TRIM67: variants seen among roughly 807,000 people sequenced by gnomAD.
TRIM67 encodes the protein tripartite motif-containing protein 67.
A neutral mutation model predicts 71.0 loss-of-function variants in TRIM67; 39 were observed. The ratio of observed to expected loss-of-function variants is 0.55; its 90% CI spans 0.43 to 0.72. The LOEUF (loss-of-function observed/expected upper bound fraction) is 0.72, where lower values mean the gene tolerates loss of function less well. Among genes scored for constraint, TRIM67 ranks in the 30% least tolerant of loss-of-function variants. The pLI, the probability that TRIM67 is intolerant of heterozygous loss-of-function variation, is 0.00. For synonymous variants in TRIM67, 481 were observed against 473.9 expected, an observed-to-expected ratio of 1.01 and a Z score of -0.19; for missense variants, 973 against 1,079.2, an observed-to-expected ratio of 0.90 and a Z score of 1.38.
At chr1:231,208,492 A>C (rs577376745) in intron 7 of TRIM67, among the ~76,000 whole-genome samples, 21 of 151,900 alleles carry the variant, frequency 1.4e-4, no homozygotes, top group Non-Finnish European at 1.6e-4. Context: ...TTGTATTTTT[A>C]GTAGAGACGG....
At position 231,216,586 on chromosome 1, in the gene TRIM67, C is replaced by T. The variant is rs542908583; in HGVS notation, c.*1146C>T. 61 of 985,552 alleles carry T rather than the reference C, an allele frequency of 6.2e-5. No individual in the cohort carries two copies. In the African/African-American group the frequency reaches 1.0e-3, roughly 17 times the overall value. 61.1% of individuals were successfully genotyped at this position (985,552 alleles called of 1,614,324 possible). A position where few individuals can be genotyped will look rare whatever the true frequency, so the allele number is the denominator to read the frequency against. On this transcript the variant is annotated 3_prime_UTR_variant, in exon 10 of 10. Transcript: ENST00000366653. ...AAAGCATCATGAACACAAGTGGCCCCTGTGGCAGGCCGGGACGGCTCTGCC... is the reference window on the plus strand; with the variant it reads ...AAAGCATCATGAACACAAGTGGCCCTTGTGGCAGGCCGGGACGGCTCTGCC...
chr1:231,197,256 G>GTTCT, intron 1 of TRIM67, 115 bp from the exon 2 acceptor site: 1 of 735,058 alleles, frequency 1.4e-6, no homozygotes, highest in Non-Finnish European at 2.3e-6. Context: ...GAGAACAGCA[G>GTTCT]ATGCGTGGGA....
At chr1:231,206,963 A>T (rs553752926) in intron 7 of TRIM67, among the ~76,000 whole-genome samples, 173 bp downstream of exon 7, 8 of 152,200 alleles carry the variant, frequency 5.3e-5, no homozygotes, top group Admixed American at 2.0e-4. Flanking sequence ...CTCCCAAAGG[A>T]CAAAGATTGA....
intron 5 of TRIM67, 28 bp from the exon 6 acceptor site, chr1:231,203,839 C>A (rs764546874): frequency 7.5e-6 from 12 of 1,605,110 alleles, no homozygotes; most frequent in East Asian, 2.2e-5. Context: ...GGGCTTCCTG[C>A]GCTAACTCAT....
intron 1 of TRIM67, among the ~76,000 whole-genome samples, chr1:231,185,867 G>A (rs1032331996): frequency 6.6e-6 from 1 of 151,860 alleles, no homozygotes; most frequent in South Asian, 2.1e-4. Context: ...AGTCTGGGGG[G>A]AAGACTTCGT....
chr1:231,185,283 C>T, intron 1 of TRIM67: 7 of 1,402,310 alleles, frequency 5.0e-6, no homozygotes, highest in Non-Finnish European at 5.8e-6. Flanking sequence ...CTCTCCCTCC[C>T]ACCCTCCTAC....
intron 1 of TRIM67, among the ~76,000 whole-genome samples, chr1:231,193,503 G>GCTCTCTCTTTCTCTCT (rs1683288075): frequency 1.2e-5 from 1 of 81,946 alleles, no homozygotes; most frequent in South Asian, 5.2e-4. Flanking sequence ...TCTCTCTCAA[G>GCTCTCTCTTTCTCTCT]CTCTCTCTCT....
chr1:231,163,789 G>T lies in TRIM67; in HGVS notation c.820G>T (p.Ala274Ser), dbSNP rs1167030756. 2.0e-6 allele frequency: 3 copies of T among 1,484,222 alleles called. No individual in the cohort carries two copies. Among genetic ancestry groups the T allele is most frequent in the East Asian group, 2.8e-5 (1 of 35,752 alleles). 91.9% of individuals were successfully genotyped at this position (1,484,222 alleles called of 1,614,324 possible). ...CGGGCCCACTGGCACCGCCCAGGGC[G>T]CCCCCAGCGGAGGCGGCGGCTGCAA... ...ASGPTGTAQG[A>S]PSGGGGCKSP... The change falls in exon 1 of 10, where the codon GCC (alanine) becomes TCC (serine). Residue 274 changes from alanine (A) to serine (S), a missense_variant. Around this residue, in one of 2 missense-constraint regions of TRIM67, gnomAD observed 795 missense variants for 831.3 expected, o/e 0.96. Coordinates refer to ENST00000366653, the MANE Select transcript of TRIM67 (RefSeq NM_001004342.5).
At chr1:231,208,021 T>G (rs1016996168) in intron 7 of TRIM67, among the ~76,000 whole-genome samples, 2 of 151,368 alleles carry the variant, frequency 1.3e-5, no homozygotes, top group African/African-American at 4.9e-5. Flanking sequence ...TTTTTTTTTT[T>G]TTTTTTGAGA....
intron 8 of TRIM67, among the ~76,000 whole-genome samples, chr1:231,211,102 C>T (rs1465549046): frequency 6.6e-6 from 1 of 151,218 alleles, no homozygotes; most frequent in Non-Finnish European, 1.5e-5. Flanking sequence ...TTAGGAAGGT[C>T]AGACAACGGC....
intron 1 of TRIM67, among the ~76,000 whole-genome samples, chr1:231,193,724 G>A (rs546864681): frequency 6.6e-6 from 1 of 152,278 alleles, no homozygotes; most frequent in African/African-American, 2.4e-5. Flanking sequence ...GCCTCAGGAA[G>A]TTTCCACTCA....
At position 231,203,848 on chromosome 1, in the gene TRIM67, A is replaced by ATG. The variant is rs767844599; in HGVS notation, c.1535-13_1535-12dup. 6 of 1,609,678 alleles carry ATG rather than the reference A, an allele frequency of 3.7e-6. No homozygotes were observed. Among genetic ancestry groups the ATG allele is most frequent in the Admixed American group, 1.7e-5 (1 of 59,874 alleles). ...CTCGGAGGGCTTCCTGCGCTAACTC[A>ATG]TGTGTGTCCCCCTCGCAGTGCCACC... is the stretch of plus-strand genomic sequence containing the variant. On this transcript the variant is annotated intron_variant, in intron 5 of 9. Coordinates refer to ENST00000366653, the MANE Select transcript of TRIM67 (RefSeq NM_001004342.5).
chr1:231,216,120 C>A lies in TRIM67; in HGVS notation c.*680C>A. On this transcript the variant is annotated 3_prime_UTR_variant, in exon 10 of 10. Transcript: ENST00000366653. ...CCAATTGTGTTCTCTCTCTCTCTTC[C>A]TCCATCCTTCATTTCTTCTCCCTCC... 1 of 984,396 alleles carries A rather than the reference C, an allele frequency of 1.0e-6. No individual in the cohort carries two copies. Among genetic ancestry groups the A allele is most frequent in the South Asian group, 4.7e-5 (1 of 21,244 alleles). The allele number at this position is 984,396 out of a possible 1,614,324, so 61.0% of individuals were successfully genotyped here.
Position 231,163,714 on chromosome 1 carries a change from C to A in TRIM67, c.745C>A (p.Arg249Ser), listed in dbSNP as rs765310783. The A allele has an allele frequency of 6.7e-7, 1 of 1,502,964 alleles. No homozygotes were observed. The highest frequency in any genetic ancestry group is 1.8e-4 in the Middle Eastern group (1 of 5,588). 93.1% of individuals were successfully genotyped at this position (1,502,964 alleles called of 1,614,324 possible). Reference sequence around the variant, plus strand: ...ATCCCGGGGACCCTTCGCCAAGCATCGCCTGGTGCAGCCGCCGCCGCCGCC... The same window carrying A: ...ATCCCGGGGACCCTTCGCCAAGCATAGCCTGGTGCAGCCGCCGCCGCCGCC... ...HPSRGPFAKHRLVQPPPPPPP... is the reference protein window; with the variant it reads ...HPSRGPFAKHSLVQPPPPPPP... The change falls in exon 1 of 10, where the codon CGC (arginine) becomes AGC (serine). Residue 249 changes from arginine (R) to serine (S), a missense_variant. Transcript: ENST00000366653.
chr1:231,214,510 C>A (rs1015882182), intron 9 of TRIM67, among the ~76,000 whole-genome samples: 10 of 152,140 alleles, frequency 6.6e-5, no homozygotes, highest in African/African-American at 2.4e-4. Context: ...GGCGCGGTGG[C>A]TTACGCCTGT....
chr1:231,218,610 G>A lies in TRIM67; in HGVS notation c.*3170G>A. The A allele has an allele frequency of 3.0e-6, 3 of 985,406 alleles. No homozygotes were observed. The highest frequency in any genetic ancestry group is 3.6e-6 in the Non-Finnish European group (3 of 829,944). The allele number at this position is 985,406 out of a possible 1,614,324, so 61.0% of individuals were successfully genotyped here. ...CTTTTCCTCTCTCTGTTCTCCTTGG[G>A]AAAATAATGATTCCAATTAAAGAGG... On this transcript the variant is annotated 3_prime_UTR_variant, in exon 10 of 10. Coordinates refer to ENST00000366653, the MANE Select transcript of TRIM67 (RefSeq NM_001004342.5).
At chr1:231,181,941 C>G (rs954562229) in intron 1 of TRIM67, among the ~76,000 whole-genome samples, 1 of 152,132 alleles carries the variant, frequency 6.6e-6, no homozygotes, top group Non-Finnish European at 1.5e-5. Flanking sequence ...ACTTCTGGAG[C>G]CTGTTTTAAA....
At chr1:231,185,331 A>G (rs1027944327) in intron 1 of TRIM67, 1 of 1,042,544 alleles carries the variant, frequency 9.6e-7, no homozygotes. Flanking sequence ...AAGGAAAGTC[A>G]GAAGGGAGAA....
chr1:231,166,426 A>G (rs1165963005), intron 1 of TRIM67, among the ~76,000 whole-genome samples: 1 of 152,250 alleles, frequency 6.6e-6, no homozygotes, highest in Non-Finnish European at 1.5e-5. Flanking sequence ...GTGGCTGGGC[A>G]TCTAGACCAG....
Sources: allele counts gnomAD v4.1 joint callset (sites outside exome capture counted in the v4.1 genomes callset), GRCh38; gene constraint gnomAD v4.1.1; regional missense constraint gnomAD v4.1.1; transcripts MANE v1.5; gene names NCBI Gene and HGNC (gene_info 2026-07-23, HGNC 2026-07-21).